The following CSMD1 variants were observed in gnomAD, a reference collection of about 807,000 sequenced individuals.
CSMD1 encodes the protein CUB and Sushi multiple domains 1.
Under a neutral mutation model 417.5 loss-of-function variants are expected in CSMD1, and 213 were observed. That is an observed-to-expected ratio of 0.51 (90% confidence interval 0.46 to 0.57). The LOEUF is 0.57. Ranked by LOEUF, CSMD1 falls within the 20% of genes least tolerant of loss-of-function variation. The probability of loss-of-function intolerance (pLI) is 0.00; values close to 1 mark genes in which losing one functional copy is unlikely to be tolerated. For synonymous variants in CSMD1, 2,862 were observed against 1,736.8 expected (o/e 1.65, Z -16.11); for missense variants, 6,923 against 4,529.7 (o/e 1.53, Z -15.17).
At chr8:4,122,125 ATACT>A (rs1274556527) in intron 3 of CSMD1, among the ~76,000 whole-genome samples, 1 of 152,180 alleles carries the variant, frequency 6.6e-6, no homozygotes, top group Non-Finnish European at 1.5e-5. Flanking sequence ...GATATCAGAG[ATACT>A]TACTACATAA....
chr8:4,281,039 G>C (rs898481045), intron 3 of CSMD1, among the ~76,000 whole-genome samples: 38 of 152,036 alleles, frequency 2.5e-4, no homozygotes, highest in African/African-American at 9.2e-4. Flanking sequence ...CTGTTCCTTG[G>C]TCTCTCTGGC....
chr8:3,984,218 A>T (rs1017269894), intron 5 of CSMD1, among the ~76,000 whole-genome samples: 2 of 138,272 alleles, frequency 1.4e-5, no homozygotes, highest in Admixed American at 7.3e-5. Flanking sequence ...AGCCACCTGC[A>T]CAGTGAAGCC....
At chr8:4,183,740 T>A (rs1034043318) in intron 3 of CSMD1, among the ~76,000 whole-genome samples, 9 of 152,256 alleles carry the variant, frequency 5.9e-5, no homozygotes, top group Non-Finnish European at 1.5e-5. Context: ...TTTTAAAAGA[T>A]TAGTGAAGCA....
chr8:4,211,711 C>G (rs903749926), intron 3 of CSMD1, among the ~76,000 whole-genome samples: 5 of 152,156 alleles, frequency 3.3e-5, no homozygotes, highest in Admixed American at 6.5e-5. Flanking sequence ...ATGAAGCAAC[C>G]TGACTTTGCA....
At chr8:4,903,003 TATTAATA>T (rs1437735184) in intron 1 of CSMD1, among the ~76,000 whole-genome samples, 1,888 of 131,164 alleles carry the variant, frequency 0.014, 36 homozygotes, top group African/African-American at 0.056. Flanking sequence ...TGATAAATAA[TATTAATA>T]ATAAATAAAT....
In CSMD1 at chr8:3,408,119, C is replaced by T. The variant is rs761525211; in HGVS notation, c.1851G>A (p.Glu617=). ...NMNCVWLIIS[E]PGSRIHLIFN... ...AGATTAGGTGAATTCGACTTCCTGG[C>T]TCCGAGATAATCAACCAGACACAGT... The change falls in exon 14 of 70, where the codon GAG becomes GAA. Residue 617 remains glutamate, a synonymous_variant. Transcript: ENST00000635120. 1 of 1,613,812 alleles carries T rather than the reference C, an allele frequency of 6.2e-7. No individual in the cohort carries two copies. The highest frequency in any genetic ancestry group is 1.1e-5 in the South Asian group (1 of 91,052).
At chr8:3,406,300 A>C in intron 14 of CSMD1, 79 bp from the exon 15 acceptor site, 4 of 1,161,452 alleles carry the variant, frequency 3.4e-6, no homozygotes, top group Non-Finnish European at 4.8e-6. Context: ...AGAAAACAGA[A>C]CAAGCTTATA....
intron 2 of CSMD1, among the ~76,000 whole-genome samples, chr8:4,596,506 G>C (rs1332941945): frequency 6.6e-6 from 1 of 151,902 alleles, no homozygotes; most frequent in Non-Finnish European, 1.5e-5. Context: ...TAACACACAA[G>C]ACTCTGTTCC....
chr8:4,353,439 G>C (rs990741749), intron 3 of CSMD1, among the ~76,000 whole-genome samples: 8 of 152,018 alleles, frequency 5.3e-5, no homozygotes, highest in Non-Finnish European at 1.0e-4. Flanking sequence ...CTATTCTCGA[G>C]TATGTCTTTA....
intron 50 of CSMD1, among the ~76,000 whole-genome samples, chr8:3,048,208 T>C (rs1447358051): frequency 6.6e-6 from 1 of 152,194 alleles, no homozygotes. Context: ...TCAGTATAAA[T>C]ATTCGCGACC....
chr8:4,109,153 G>A (rs980167229), intron 3 of CSMD1, among the ~76,000 whole-genome samples: 14 of 152,046 alleles, frequency 9.2e-5, no homozygotes, highest in African/African-American at 3.4e-4. Context: ...TAAATGCTAT[G>A]TAAATAGTGT....
In CSMD1 at chr8:3,615,185, C is replaced by T. The variant is rs548663763; in HGVS notation, c.1097+1525G>A. ...TGCTAATAACTGTTCACAACCAACT[C>T]TTCCTCTGGAGAACTTCCTTGAGCC... On this transcript the variant is annotated intron_variant, in intron 8 of 69. Transcript: ENST00000635120. 7.6e-4 allele frequency among the ~76,000 whole-genome samples: 116 copies of T among 152,172 alleles called. 1 individual carries two copies. Among genetic ancestry groups the T allele is most frequent in the Non-Finnish European group, 5.7e-4 (39 of 68,030 alleles).
chr8:3,517,471 G>T (rs2117432198), intron 10 of CSMD1, among the ~76,000 whole-genome samples: 1 of 152,254 alleles, frequency 6.6e-6, no homozygotes, highest in East Asian at 1.9e-4. Flanking sequence ...AGTGAAATTT[G>T]CAGGTAAAGA....
chr8:4,964,233 G>A (rs1809697721), intron 1 of CSMD1, among the ~76,000 whole-genome samples: 1 of 152,042 alleles, frequency 6.6e-6, no homozygotes, highest in Non-Finnish European at 1.5e-5. Context: ...GTAGCAGGCA[G>A]CCAGGTATGG....
chr8:2,961,964 A>C (rs1391561889), intron 61 of CSMD1, among the ~76,000 whole-genome samples: 1 of 152,214 alleles, frequency 6.6e-6, no homozygotes, highest in African/African-American at 2.4e-5. Context: ...TTCTAGGTGG[A>C]TACTATTCAA....
intron 3 of CSMD1, among the ~76,000 whole-genome samples, chr8:4,231,373 C>T (rs1416811210): frequency 3.3e-5 from 5 of 152,110 alleles, no homozygotes; most frequent in South Asian, 2.1e-4. Flanking sequence ...AATTTTCCTC[C>T]TCTGAGAGAA....
At chr8:3,349,801 A>ATATC (rs200060737) in intron 21 of CSMD1, among the ~76,000 whole-genome samples, 77,125 of 142,514 alleles carry the variant, frequency 0.54, 21,002 homozygotes, top group Admixed American at 0.64. Flanking sequence ...ATATCTATAA[A>ATATC]TAGATATAAA....
intron 11 of CSMD1, among the ~76,000 whole-genome samples, chr8:3,481,378 G>T (rs1242465930): frequency 6.6e-6 from 1 of 152,076 alleles, no homozygotes; most frequent in Non-Finnish European, 1.5e-5. Context: ...ACAACAATTA[G>T]AACAGCGTCT....
intron 1 of CSMD1, among the ~76,000 whole-genome samples, chr8:4,803,181 A>C (rs1487120148): frequency 2.6e-5 from 4 of 152,176 alleles, no homozygotes; most frequent in African/African-American, 9.7e-5. Context: ...AATATTCTTT[A>C]AGTTGATCCT....
Sources: allele counts gnomAD v4.1 joint callset (sites outside exome capture counted in the v4.1 genomes callset), GRCh38; gene constraint gnomAD v4.1.1; transcripts MANE v1.5; gene names NCBI Gene and HGNC (gene_info 2026-07-23, HGNC 2026-07-21).